ASTN2: variants seen among roughly 807,000 people sequenced by gnomAD.
The protein encoded by ASTN2 is astrotactin 2, also known as astrotactin-2.
ASTN2 carries 54 observed loss-of-function variants against 139.8 expected under a neutral mutation model. The ratio of observed to expected loss-of-function variants is 0.39; its 90% CI spans 0.31 to 0.48. The LOEUF is 0.48. Ranked by LOEUF, ASTN2 falls within the 20% of genes least tolerant of loss-of-function variation. The pLI, the probability that ASTN2 is intolerant of heterozygous loss-of-function variation, is 0.95. For synonymous variants in ASTN2, 756 were observed against 719.5 expected (o/e 1.05, Z -0.81); for missense variants, 1,565 against 1,725.1 (o/e 0.91, Z 1.64).
chr9:117,183,186 C>T (rs1191919852), intron 3 of ASTN2, among the ~76,000 whole-genome samples: 2 of 152,112 alleles, frequency 1.3e-5, no homozygotes, highest in Non-Finnish European at 1.5e-5. Flanking sequence ...TTCAAGTCTC[C>T]AGTCTCAAGT....
At chr9:116,625,347 T>C (rs1856391410) in intron 17 of ASTN2, among the ~76,000 whole-genome samples, 2 of 152,238 alleles carry the variant, frequency 1.3e-5, no homozygotes, top group East Asian at 3.9e-4. Context: ...GGAAGGAGAA[T>C]AGCTTGAACC....
At chr9:117,231,279 C>A (rs1379061155) in intron 2 of ASTN2, among the ~76,000 whole-genome samples, 1 of 152,206 alleles carries the variant, frequency 6.6e-6, no homozygotes, top group East Asian at 1.9e-4. Context: ...TTACAGCTGT[C>A]TACAATGGCC....
chr9:117,148,594 C>T (rs1460898030), intron 3 of ASTN2, among the ~76,000 whole-genome samples: 2 of 152,148 alleles, frequency 1.3e-5, no homozygotes, highest in African/African-American at 2.4e-5. Flanking sequence ...TCTCCTATTC[C>T]ACTACTCCTC....
intron 2 of ASTN2, among the ~76,000 whole-genome samples, chr9:117,249,911 T>G (rs1180260596): frequency 6.6e-6 from 1 of 152,034 alleles, no homozygotes; most frequent in Non-Finnish European, 1.5e-5. Context: ...CCCCAGAAAA[T>G]GTCACCGCCT....
intron 13 of ASTN2, among the ~76,000 whole-genome samples, chr9:116,792,683 T>C (rs2132225444): frequency 6.6e-6 from 1 of 152,298 alleles, no homozygotes; most frequent in East Asian, 1.9e-4. Context: ...CTGAAACATA[T>C]TCTCTGCACT....
Position 116,908,852 on chromosome 9 carries a change from A to G in ASTN2, c.1890-45119T>C, listed in dbSNP as rs368430199. 1.7e-3 allele frequency among the ~76,000 whole-genome samples: 264 copies of G among 152,370 alleles called. 3 individuals carry two copies. The South Asian group carries it at 0.018, about 10-fold the overall frequency. ...ACATACACATGCATGAAGTAGATTC[A>G]GGAGACCTGGGTGAAGTGATGGGGC... On this transcript the variant is annotated intron_variant, in intron 10 of 22. Coordinates refer to ENST00000313400, the MANE Select transcript of ASTN2 (RefSeq NM_001365068.1).
chr9:116,681,164 A>G (rs1019968762), intron 16 of ASTN2, among the ~76,000 whole-genome samples: 4 of 152,246 alleles, frequency 2.6e-5, no homozygotes, highest in African/African-American at 9.6e-5. Flanking sequence ...CTGATAAGCA[A>G]CTTCAGCAAA....
chr9:116,425,872 G>A lies in ASTN2; in HGVS notation c.3999C>T (p.Tyr1333=), dbSNP rs143087005. 9.4e-5 allele frequency: 151 copies of A among 1,613,740 alleles called. 2 individuals carry two copies. In the African/African-American group the frequency reaches 1.4e-3, roughly 15 times the overall value. Residue 1333 remains tyrosine, a synonymous_variant, in exon 23 of 23, where the codon TAC becomes TAT. Transcript: ENST00000313400. The stretch of plus-strand genomic sequence containing the variant: ...TCCCTCACCGGCCCTTGGACTCCCC[G>A]TACGTGTTTCGGGCCATTGACACCA... ...EKMVSMARNT[Y]GESKGR
intron 5 of ASTN2, among the ~76,000 whole-genome samples, chr9:117,044,270 A>G (rs1049448433): frequency 6.6e-6 from 1 of 152,216 alleles, no homozygotes; most frequent in Non-Finnish European, 1.5e-5. Flanking sequence ...GAAGGACATA[A>G]GAAGGAGAAA....
intron 4 of ASTN2, among the ~76,000 whole-genome samples, chr9:117,120,018 G>GTGTGTATATATATATATATATATATA (rs1306397698): frequency 8.7e-5 from 4 of 45,986 alleles, no homozygotes; most frequent in Non-Finnish European, 7.8e-5. Flanking sequence ...GTGTGTGTGT[G>GTGTGTATATATATATATATATATATA]TATATATATA....
chr9:116,722,960 T>C (rs911396987), intron 16 of ASTN2, among the ~76,000 whole-genome samples: 1 of 152,122 alleles, frequency 6.6e-6, no homozygotes, highest in Non-Finnish European at 1.5e-5. Context: ...GGTCAGGAGA[T>C]TGAGACTATC....
intron 1 of ASTN2, among the ~76,000 whole-genome samples, chr9:117,358,331 C>G (rs1265260008): frequency 6.6e-6 from 1 of 151,584 alleles, no homozygotes; most frequent in Non-Finnish European, 1.5e-5. Flanking sequence ...CCCAAGGCCA[C>G]AAAGCAAATC....
rs570764249 is a variant in ASTN2 at position 116,467,154 on chromosome 9, T to C, written c.3497+20205A>G. Among the ~76,000 whole-genome samples the C allele has an allele frequency of 2.0e-5, 3 of 152,282 alleles. No homozygotes were observed. The South Asian group carries it at 6.2e-4, about 32-fold the overall frequency. ...TTCTGAGATTAAAAGCATGAAGGAC[T>C]ATCAAAGTCTACAGTTGCTAGGTTC... On this transcript the variant is annotated intron_variant, in intron 20 of 22. Transcript: ENST00000313400.
At chr9:116,541,775 C>T (rs568078412) in intron 19 of ASTN2, among the ~76,000 whole-genome samples, 2 of 152,298 alleles carry the variant, frequency 1.3e-5, no homozygotes, top group South Asian at 4.1e-4. Context: ...ATTTCCCCTT[C>T]AGCTCTCAAT....
chr9:116,549,436 C>T (rs118084347), intron 19 of ASTN2, among the ~76,000 whole-genome samples: 1 of 152,272 alleles, frequency 6.6e-6, no homozygotes, highest in East Asian at 1.9e-4. Flanking sequence ...TCGTATTTGG[C>T]AATTGCAACC....
intron 7 of ASTN2, among the ~76,000 whole-genome samples, chr9:116,996,912 A>G (rs1394694232): frequency 6.6e-6 from 1 of 152,114 alleles, no homozygotes; most frequent in Non-Finnish European, 1.5e-5. Context: ...CACATTTTTT[A>G]GATAAAATTA....
At chr9:116,786,811 G>A (rs180697962) in intron 13 of ASTN2, among the ~76,000 whole-genome samples, 219 of 152,162 alleles carry the variant, frequency 1.4e-3, no homozygotes, top group African/African-American at 5.1e-3. Flanking sequence ...CATGGGTCCT[G>A]GGAGAGACCA....
At chr9:116,868,885 CCTT>C (rs1260036640) in intron 10 of ASTN2, among the ~76,000 whole-genome samples, 2 of 152,160 alleles carry the variant, frequency 1.3e-5, no homozygotes, top group Non-Finnish European at 2.9e-5. Flanking sequence ...TGTGTCCTCT[CCTT>C]TTTTTAAAAT....
chr9:116,602,529 GA>G lies in ASTN2; in HGVS notation c.3355+15794del, dbSNP rs1242772716. On this transcript the variant is annotated intron_variant, in intron 19 of 22. Transcript: ENST00000313400. ...GACATCTCCTATATTATATCAGGAG[GA>G]AATGGGGAGAGTATGCATGAAAAAT... Among the ~76,000 whole-genome samples, 3 of 152,156 alleles carry G rather than the reference GA, an allele frequency of 2.0e-5. No individual in the cohort carries two copies. The East Asian group carries it at 5.8e-4, about 29-fold the overall frequency.
Sources: gnomAD v4.1 joint callset for allele counts (sites outside exome capture counted in the v4.1 genomes callset) on GRCh38, gnomAD v4.1.1 for gene constraint, MANE v1.5 for transcripts, NCBI Gene and HGNC (gene_info 2026-07-23, HGNC 2026-07-21) for gene names.